The following SPATS2L variants were observed in gnomAD, a reference collection of about 807,000 sequenced individuals.
SPATS2L encodes the protein spermatogenesis associated serine rich 2 like.
In SPATS2L, 30 loss-of-function variants were observed where a neutral mutation model predicts 59.6. That is an observed-to-expected ratio of 0.50 (90% CI 0.38 to 0.68). The LOEUF is 0.68. Ranked by LOEUF, SPATS2L falls within the 30% of genes least tolerant of loss-of-function variation. The pLI is 0.00. For missense variants in SPATS2L, 615 were observed against 700.0 expected, an observed-to-expected ratio of 0.88 and a Z score of 1.37; for synonymous variants, 252 against 263.5, an observed-to-expected ratio of 0.96 and a Z score of 0.42.
intron 2 of SPATS2L, among the ~76,000 whole-genome samples, chr2:200,365,188 T>C (rs2081230640): frequency 6.6e-6 from 1 of 152,212 alleles, no homozygotes; most frequent in African/African-American, 2.4e-5. Context: ...AGTGCTAATA[T>C]TTTGTGGGTT....
intron 6 of SPATS2L, among the ~76,000 whole-genome samples, chr2:200,436,478 A>G (rs1271252661): frequency 6.6e-6 from 1 of 152,080 alleles, no homozygotes; most frequent in Admixed American, 6.6e-5. Context: ...GTAATGAGAC[A>G]GCTTTTGAGG....
intron 9 of SPATS2L, 57 bp from the exon 10 acceptor site, chr2:200,467,233 G>T (rs1359532810): frequency 8.6e-7 from 1 of 1,167,788 alleles, no homozygotes; most frequent in African/African-American, 1.5e-5. Flanking sequence ...AAGAAATTAG[G>T]TTATTTAATA....
chr2:200,412,784 A>G lies in SPATS2L; in HGVS notation c.148+365A>G, dbSNP rs541466183. 9.9e-5 allele frequency among the ~76,000 whole-genome samples: 15 copies of G among 152,206 alleles called. No individual in the cohort carries two copies. In the South Asian group the frequency reaches 3.1e-3, roughly 32 times the overall value. On this transcript the variant is annotated intron_variant, in intron 4 of 12. Transcript: ENST00000409140. The stretch of plus-strand genomic sequence containing the variant: ...TTAAATGTGTCCTTGGCCAGCAGTG[A>G]CTCACGCCTGTAGTCCCAGCACTTC...
Position 200,440,739 on chromosome 2 carries a change from GT to G in SPATS2L, c.745del (p.Ser249ProfsTer2). The stretch of plus-strand genomic sequence containing the variant: ...GTCATGATTAAGGAAGAAGTGGATA[GT>G]TCCGTGAAGAAGATCAAAGCTGCCT... The part of the protein sequence containing the change: ...YRVMIKEEVD[S>X]SVKKIKAAFA... On this transcript the variant is annotated frameshift_variant, in exon 8 of 13. Transcript: ENST00000409140. LOFTEE classifies it high-confidence loss of function. The G allele has an allele frequency of 1.2e-6, 2 of 1,613,706 alleles. No individual in the cohort carries two copies. Among genetic ancestry groups the G allele is most frequent in the Non-Finnish European group, 1.7e-6 (2 of 1,179,686 alleles).
chr2:200,480,588 C>A lies in SPATS2L; in HGVS notation c.*2557C>A. ...GTCTCACTATGGTGCCCAGACTGGT[C>A]TCGAACTCCGGAGCTCAAGTGATCT... On this transcript the variant is annotated 3_prime_UTR_variant, in exon 13 of 13. Transcript: ENST00000409140. 2.0e-5 allele frequency: 3 copies of A among 152,500 alleles called. No homozygotes were observed. The South Asian group carries it at 6.0e-4, about 31-fold the overall frequency. The allele number at this position is 152,500 out of a possible 1,614,324, so 9.4% of individuals were successfully genotyped here.
chr2:200,307,092 G>A (rs2105731618), intron 1 of SPATS2L, among the ~76,000 whole-genome samples, 170 bp downstream of exon 1: 1 of 150,910 alleles, frequency 6.6e-6, no homozygotes. Context: ...CGCGCTCGGC[G>A]CCGAGGCGGG....
intron 6 of SPATS2L, among the ~76,000 whole-genome samples, chr2:200,420,449 C>G (rs2083262623): frequency 6.6e-6 from 1 of 152,152 alleles, no homozygotes; most frequent in Non-Finnish European, 1.5e-5. Flanking sequence ...TGAAGTAAGG[C>G]AGTAGTCAGC....
At chr2:200,354,032 C>T (rs966952473) in intron 2 of SPATS2L, among the ~76,000 whole-genome samples, 1 of 152,152 alleles carries the variant, frequency 6.6e-6, no homozygotes, top group Admixed American at 6.5e-5. Flanking sequence ...GGAATCACTT[C>T]AGGAAGGCAT....
intron 6 of SPATS2L, among the ~76,000 whole-genome samples, chr2:200,434,921 C>T (rs2084179569): frequency 6.6e-6 from 1 of 151,990 alleles, no homozygotes; most frequent in Admixed American, 6.6e-5. Context: ...AAAGCAGTTA[C>T]AGTAACTAGG....
chr2:200,425,034 G>A (rs550519519), intron 6 of SPATS2L, among the ~76,000 whole-genome samples: 4 of 151,846 alleles, frequency 2.6e-5, no homozygotes, highest in Non-Finnish European at 5.9e-5. Flanking sequence ...GTGCTTGGGC[G>A]CAGCACCTGC....
chr2:200,336,479 C>CT (rs2080146876), intron 2 of SPATS2L, among the ~76,000 whole-genome samples: 1 of 152,134 alleles, frequency 6.6e-6, no homozygotes, highest in Non-Finnish European at 1.5e-5. Flanking sequence ...TCAAAGGCTA[C>CT]TTACTGCTCA....
intron 8 of SPATS2L, among the ~76,000 whole-genome samples, chr2:200,455,523 C>CA (rs1460186183): frequency 6.6e-6 from 1 of 152,208 alleles, no homozygotes. Context: ...CCACCATCTG[C>CA]ACTCAGAAAG....
chr2:200,342,527 C>T lies in SPATS2L; in HGVS notation c.-23+13047C>T, dbSNP rs970312688. Among the ~76,000 whole-genome samples, 41 of 152,306 alleles carry T rather than the reference C, an allele frequency of 2.7e-4. 1 individual carries two copies. The highest frequency in any genetic ancestry group is 8.4e-4 in the African/African-American group (35 of 41,574). ...CTACTCTGTGTCTGTGGGTCTAGTACCTTCATTTCTCATTATGTTCACACA... is the reference window on the plus strand; with the variant it reads ...CTACTCTGTGTCTGTGGGTCTAGTATCTTCATTTCTCATTATGTTCACACA... On this transcript the variant is annotated intron_variant, in intron 2 of 12. Transcript: ENST00000409140.
intron 8 of SPATS2L, among the ~76,000 whole-genome samples, chr2:200,456,370 A>C (rs80073585): frequency 1.3e-3 from 192 of 152,342 alleles, no homozygotes; most frequent in African/African-American, 4.2e-3. Flanking sequence ...TTTGATGCCA[A>C]CTTCACAGGC....
chr2:200,406,505 G>T (rs533307858), intron 3 of SPATS2L, among the ~76,000 whole-genome samples: 1 of 152,054 alleles, frequency 6.6e-6, no homozygotes, highest in South Asian at 2.1e-4. Flanking sequence ...GAGAGAAAGT[G>T]AGGCAGTTGC....
At chr2:200,349,348 C>A (rs1900706) in intron 2 of SPATS2L, among the ~76,000 whole-genome samples, 81,995 of 152,042 alleles carry the variant, frequency 0.54, 23,840 homozygotes, top group East Asian at 0.78. Context: ...GAGTCAAAGA[C>A]ACGTAGGCCG....
At chr2:200,340,157 G>A (rs953860191) in intron 2 of SPATS2L, among the ~76,000 whole-genome samples, 3 of 152,226 alleles carry the variant, frequency 2.0e-5, no homozygotes, top group African/African-American at 4.8e-5. Flanking sequence ...AAAGGGCTGA[G>A]CAATCGCTCA....
rs560178651 is a variant in SPATS2L at position 200,480,104 on chromosome 2, A to G, written c.*2073A>G. On this transcript the variant is annotated 3_prime_UTR_variant, in exon 13 of 13. Coordinates refer to ENST00000409140, the MANE Select transcript of SPATS2L (RefSeq NM_001100423.2). ...GTCAGTGTAAATGTGACCGCTTTAA[A>G]GATGAGTCAAGTAATTCTTGGAACA... 4.4e-4 allele frequency: 81 copies of G among 184,118 alleles called. 4 individuals carry two copies. The South Asian group carries it at 0.014, about 33-fold the overall frequency. The allele number at this position is 184,118 out of a possible 1,614,324, so 11.4% of individuals were successfully genotyped here. A position where few individuals can be genotyped will look rare whatever the true frequency, so the allele number is the denominator to read the frequency against.
chr2:200,353,776 G>A (rs959404505), intron 2 of SPATS2L, among the ~76,000 whole-genome samples: 4 of 152,126 alleles, frequency 2.6e-5, no homozygotes, highest in Non-Finnish European at 1.5e-5. Context: ...TACAAGTACT[G>A]TGCCGTGGTC....
Sources: allele counts gnomAD v4.1 joint callset (sites outside exome capture counted in the v4.1 genomes callset), GRCh38; gene constraint gnomAD v4.1.1; transcripts MANE v1.5; gene names NCBI Gene and HGNC (gene_info 2026-07-23, HGNC 2026-07-21).